Variants in HPSE2 observed in about 807,000 individuals in gnomAD.
HPSE2 encodes the protein heparanase 2 (inactive).
A neutral mutation model predicts 60.5 loss-of-function variants in HPSE2; 38 were observed. The ratio of observed to expected loss-of-function variants is 0.63; its 90% CI spans 0.48 to 0.82. The LOEUF (loss-of-function observed/expected upper bound fraction) is 0.82. Ranked by LOEUF, HPSE2 falls within the 40% of genes least tolerant of loss-of-function variation. The pLI, the probability that HPSE2 is intolerant of heterozygous loss-of-function variation, is 0.00. For missense variants in HPSE2, 713 were observed against 740.4 expected, an observed-to-expected ratio of 0.96 and a Z score of 0.43; for synonymous variants, 295 against 293.2, an observed-to-expected ratio of 1.01 and a Z score of -0.06.
At chr10:98,580,836 ATGTGTGTG>A (rs1244040035) in intron 9 of HPSE2, among the ~76,000 whole-genome samples, 5 of 119,530 alleles carry the variant, frequency 4.2e-5, no homozygotes, top group African/African-American at 1.4e-4. Flanking sequence ...ATATATATAT[ATGTGTGTG>A]TGTGTGTGTG....
At chr10:99,234,391 G>A (rs1429425147) in intron 1 of HPSE2, among the ~76,000 whole-genome samples, 1 of 152,198 alleles carries the variant, frequency 6.6e-6, no homozygotes, top group Middle Eastern at 3.2e-3. Flanking sequence ...AATTTCGCAA[G>A]GAGTGAAAAA....
At position 98,548,411 on chromosome 10, in the gene HPSE2, G is replaced by T. The variant is rs138760642; in HGVS notation, c.1321-58215C>A. Among the ~76,000 whole-genome samples, 728 of 152,278 alleles carry T rather than the reference G, an allele frequency of 4.8e-3. 7 individuals carry two copies. The highest frequency in any genetic ancestry group is 0.016 in the African/African-American group (684 of 41,556). ...TTGGGCATATGGCTTGAGGTCAGGAGTTCAAGACCAGTGTGGCCAACATAG... is the reference window on the plus strand; with the variant it reads ...TTGGGCATATGGCTTGAGGTCAGGATTTCAAGACCAGTGTGGCCAACATAG... On this transcript the variant is annotated intron_variant, in intron 9 of 11. Coordinates refer to ENST00000370552, the MANE Select transcript of HPSE2 (RefSeq NM_021828.5).
At chr10:99,184,786 TTATATATATATATATATA>T (rs1191226144) in intron 2 of HPSE2, among the ~76,000 whole-genome samples, 1 of 25,284 alleles carries the variant, frequency 4.0e-5, no homozygotes, top group South Asian at 2.9e-3. Flanking sequence ...CTATCCAAAA[TTATATATATATATATATA>T]TATATATATA....
At chr10:98,814,179 A>G (rs962078459) in intron 3 of HPSE2, among the ~76,000 whole-genome samples, 1 of 152,136 alleles carries the variant, frequency 6.6e-6, no homozygotes. Context: ...AAATTTATCA[A>G]ATTTGATACT....
the HPSE2 span, among the ~76,000 whole-genome samples, chr10:99,260,900 C>A: frequency 1.3e-5 from 2 of 152,168 alleles, no homozygotes; most frequent in Non-Finnish European, 2.9e-5. Flanking sequence ...AACTTAAAAC[C>A]TCTTCAACTC....
At chr10:98,805,643 C>G (rs761842698) in intron 3 of HPSE2, among the ~76,000 whole-genome samples, 8 of 151,754 alleles carry the variant, frequency 5.3e-5, no homozygotes, top group Admixed American at 1.3e-4. Flanking sequence ...AAACTTTCAA[C>G]AAATAAAAAT....
chr10:98,570,031 T>C (rs1479894486), intron 9 of HPSE2, among the ~76,000 whole-genome samples: 3 of 152,232 alleles, frequency 2.0e-5, no homozygotes, highest in African/African-American at 4.8e-5. Flanking sequence ...ACAGCTGTTT[T>C]GTATCTCACT....
chr10:98,474,535 G>A (rs573817426), intron 11 of HPSE2, among the ~76,000 whole-genome samples: 1 of 152,164 alleles, frequency 6.6e-6, no homozygotes. Flanking sequence ...CTCTCTAAAG[G>A]CATGCAGTTA....
intron 3 of HPSE2, chr10:99,013,280 T>C (rs576931798): frequency 1.5e-5 from 9 of 620,150 alleles, no homozygotes; most frequent in East Asian, 1.0e-4. Flanking sequence ...CAAAAATCAG[T>C]AACCCAGCTT....
At chr10:99,202,301 T>C (rs1848601238) in intron 2 of HPSE2, among the ~76,000 whole-genome samples, 1 of 152,156 alleles carries the variant, frequency 6.6e-6, no homozygotes, top group South Asian at 2.1e-4. Flanking sequence ...TAGCCCCTAT[T>C]TGGCTTTTAA....
intron 2 of HPSE2, among the ~76,000 whole-genome samples, chr10:99,222,172 G>A (rs1391892100): frequency 6.6e-6 from 1 of 152,080 alleles, no homozygotes; most frequent in East Asian, 1.9e-4. Context: ...AGAGGAATGA[G>A]AAACACTGTG....
intron 3 of HPSE2, among the ~76,000 whole-genome samples, chr10:98,800,775 C>T (rs938074640): frequency 6.6e-6 from 1 of 152,162 alleles, no homozygotes; most frequent in Non-Finnish European, 1.5e-5. Context: ...GATAGCTTCA[C>T]AGCTGAATTT....
intron 2 of HPSE2, among the ~76,000 whole-genome samples, chr10:99,184,522 C>CCAAAAAAAAA (rs1847899081): frequency 4.9e-5 from 3 of 60,788 alleles, no homozygotes; most frequent in African/African-American, 3.6e-4. Context: ...GAGACTGTCT[C>CCAAAAAAAAA]AAAAAAAAAA....
intron 3 of HPSE2, among the ~76,000 whole-genome samples, chr10:98,963,008 T>C (rs766552718): frequency 6.6e-6 from 1 of 152,160 alleles, no homozygotes; most frequent in African/African-American, 2.4e-5. Flanking sequence ...CTGTGAATGT[T>C]TGTTGAATTG....
At chr10:99,032,123 G>A (rs1265167544) in intron 3 of HPSE2, among the ~76,000 whole-genome samples, 1 of 152,100 alleles carries the variant, frequency 6.6e-6, no homozygotes, top group Non-Finnish European at 1.5e-5. Flanking sequence ...ACATTGAAAG[G>A]CGTTTTTTAC....
chr10:98,667,270 T>C (rs1947388317), intron 6 of HPSE2, among the ~76,000 whole-genome samples: 1 of 152,066 alleles, frequency 6.6e-6, no homozygotes, highest in African/African-American at 2.4e-5. Flanking sequence ...AACTCAGAAG[T>C]TGAGTCAGTA....
intron 3 of HPSE2, among the ~76,000 whole-genome samples, chr10:99,118,761 A>G (rs569354360): frequency 6.6e-6 from 1 of 152,148 alleles, no homozygotes; most frequent in South Asian, 2.1e-4. Flanking sequence ...TCACGCCTGT[A>G]ATCTCAGCAC....
intron 3 of HPSE2, among the ~76,000 whole-genome samples, chr10:99,077,363 C>T (rs1430388804): frequency 7.2e-5 from 11 of 152,182 alleles, no homozygotes; most frequent in Admixed American, 7.2e-4. Flanking sequence ...GGTCTGCTTT[C>T]ATGGAGTTCC....
At chr10:98,843,234 C>A (rs757608212) in intron 3 of HPSE2, among the ~76,000 whole-genome samples, 5 of 152,076 alleles carry the variant, frequency 3.3e-5, no homozygotes, top group Non-Finnish European at 7.4e-5. Context: ...TCTGTTGTTT[C>A]CCTCTATGTG....
Sources: gnomAD v4.1 joint callset for allele counts (sites outside exome capture counted in the v4.1 genomes callset) on GRCh38, gnomAD v4.1.1 for gene constraint, MANE v1.5 for transcripts, NCBI Gene and HGNC (gene_info 2026-07-23, HGNC 2026-07-21) for gene names.